CCDC172: variants seen among roughly 807,000 people sequenced by gnomAD.
The protein encoded by CCDC172 is coiled-coil domain containing 172, also known as coiled-coil domain-containing protein 172.
A neutral mutation model predicts 38.0 loss-of-function variants in CCDC172; 30 were observed. The observed-to-expected ratio is 0.79, with a 90% CI of 0.59 to 1.07. The LOEUF (loss-of-function observed/expected upper bound fraction) is 1.07. CCDC172 is among the 50% of genes least tolerant of loss of function. The pLI is 0.00. For missense variants in CCDC172, 297 were observed against 290.1 expected (o/e 1.02, Z -0.17); for synonymous variants, 78 against 88.3 (o/e 0.88, Z 0.66).
chr10:116,372,222 T>A (rs1845193587), intron 7 of CCDC172, among the ~76,000 whole-genome samples: 1 of 152,120 alleles, frequency 6.6e-6, no homozygotes, highest in Non-Finnish European at 1.5e-5. Context: ...TTTTACATTA[T>A]TTTTCCTTTT....
intron 7 of CCDC172, among the ~76,000 whole-genome samples, chr10:116,360,523 A>G (rs1845050160): frequency 6.6e-6 from 1 of 152,240 alleles, no homozygotes; most frequent in Non-Finnish European, 1.5e-5. Flanking sequence ...GCCACTTTGG[A>G]ATGGATTATT....
chr10:116,365,493 T>C (rs1845112474), intron 7 of CCDC172, among the ~76,000 whole-genome samples: 1 of 152,166 alleles, frequency 6.6e-6, no homozygotes, highest in Non-Finnish European at 1.5e-5. Context: ...AAAAGAAGGC[T>C]TATGTACATT....
intron 6 of CCDC172, 92 bp from the exon 7 acceptor site, chr10:116,357,744 A>C: frequency 1.4e-6 from 1 of 732,046 alleles, no homozygotes. Context: ...ATATGCAAGC[A>C]CCAAAAATTA....
At chr10:116,360,829 G>A (rs1237705106) in intron 7 of CCDC172, among the ~76,000 whole-genome samples, 1 of 152,028 alleles carries the variant, frequency 6.6e-6, no homozygotes, top group African/African-American at 2.4e-5. Flanking sequence ...TACCTTTAAT[G>A]GTGTGAGTTA....
chr10:116,363,111 A>G (rs1377161372), intron 7 of CCDC172, among the ~76,000 whole-genome samples: 1 of 152,210 alleles, frequency 6.6e-6, no homozygotes, highest in Admixed American at 6.5e-5. Flanking sequence ...TTAATGTCAT[A>G]CAGATTTCTT....
At chr10:116,351,056 A>G (rs759448629) in intron 5 of CCDC172, among the ~76,000 whole-genome samples, 97 of 152,134 alleles carry the variant, frequency 6.4e-4, no homozygotes, top group African/African-American at 1.7e-3. Context: ...CTTTAGACTT[A>G]CCTTTTTCAT....
At chr10:116,365,417 G>A (rs971335262) in intron 7 of CCDC172, among the ~76,000 whole-genome samples, 2 of 152,102 alleles carry the variant, frequency 1.3e-5, no homozygotes, top group African/African-American at 4.8e-5. Flanking sequence ...TGAAGAGATG[G>A]ATGAGCACGT....
At position 116,363,947 on chromosome 10, in the gene CCDC172, A is replaced by AAAT. The variant is rs1565722287; in HGVS notation, c.653+6020_653+6022dup. ...ACTTGGTCTCAAAAAAAAAAAAAAAAAATAATAATAATAGATTTAAAGTTT... is the reference window on the plus strand; with the variant it reads ...ACTTGGTCTCAAAAAAAAAAAAAAAAAATAATAATAATAATAGATTTAAAGTTT... On this transcript the variant is annotated intron_variant, in intron 7 of 8. Transcript: ENST00000333254. Among the ~76,000 whole-genome samples the AAAT allele has an allele frequency of 2.0e-3, 269 of 133,690 alleles. 12 individuals carry two copies. Among genetic ancestry groups the AAAT allele is most frequent in the South Asian group, 2.3e-3 (9 of 3,898 alleles). The allele number at this position is 133,690 out of a possible 152,430, so 87.7% of individuals were successfully genotyped here. A position where few individuals can be genotyped will look rare whatever the true frequency, so the allele number is the denominator to read the frequency against.
At chr10:116,332,618 T>C (rs576850259) in intron 3 of CCDC172, among the ~76,000 whole-genome samples, 4 of 152,306 alleles carry the variant, frequency 2.6e-5, no homozygotes, top group East Asian at 3.9e-4. Context: ...AGAAGAGAAG[T>C]ATTGAAGTCA....
intron 7 of CCDC172, among the ~76,000 whole-genome samples, chr10:116,369,336 G>T (rs1845159918): frequency 6.6e-6 from 1 of 151,880 alleles, no homozygotes; most frequent in Non-Finnish European, 1.5e-5. Context: ...CTATCCTACT[G>T]CATTTTCACT....
At chr10:116,374,027 T>A (rs944405814) in intron 7 of CCDC172, among the ~76,000 whole-genome samples, 2 of 152,164 alleles carry the variant, frequency 1.3e-5, no homozygotes, top group East Asian at 3.9e-4. Context: ...CTGAGTAGCA[T>A]GATAAACTCC....
At chr10:116,364,429 CA>C (rs1845099232) in intron 7 of CCDC172, among the ~76,000 whole-genome samples, 1 of 151,840 alleles carries the variant, frequency 6.6e-6, no homozygotes, top group Admixed American at 6.6e-5. Flanking sequence ...CCATTTGACC[CA>C]ATAATTCCAT....
chr10:116,367,360 G>C (rs1414715395), intron 7 of CCDC172, among the ~76,000 whole-genome samples: 1 of 152,066 alleles, frequency 6.6e-6, no homozygotes, highest in Non-Finnish European at 1.5e-5. Context: ...ACATCACACT[G>C]TATCCCAAAA....
chr10:116,344,868 A>C (rs1431791796), intron 5 of CCDC172, among the ~76,000 whole-genome samples: 1 of 151,224 alleles, frequency 6.6e-6, no homozygotes, highest in Non-Finnish European at 1.5e-5. Flanking sequence ...TGAAACTAAA[A>C]AAAAAAAAAA....
chr10:116,333,150 C>G (rs1368527487), intron 3 of CCDC172, among the ~76,000 whole-genome samples: 1 of 151,866 alleles, frequency 6.6e-6, no homozygotes, highest in African/African-American at 2.4e-5. Context: ...TCACTGTAAT[C>G]TTTTGGATAA....
At chr10:116,359,833 A>G (rs572969039) in intron 7 of CCDC172, among the ~76,000 whole-genome samples, 1 of 152,324 alleles carries the variant, frequency 6.6e-6, no homozygotes, top group East Asian at 1.9e-4. Context: ...CTATATTGAA[A>G]TTCTTTTATA....
chr10:116,333,508 A>G (rs1051597278), intron 3 of CCDC172, among the ~76,000 whole-genome samples: 1 of 152,210 alleles, frequency 6.6e-6, no homozygotes, highest in African/African-American at 2.4e-5. Flanking sequence ...AAAGCAGTGC[A>G]TGAATAAACA....
At chr10:116,360,470 T>G (rs1455644327) in intron 7 of CCDC172, among the ~76,000 whole-genome samples, 1 of 152,210 alleles carries the variant, frequency 6.6e-6, no homozygotes, top group Non-Finnish European at 1.5e-5. Flanking sequence ...ATATTTTCAG[T>G]GTTATTTGCA....
rs896800871 is a variant in CCDC172, at chr10:116,377,042, G to A, written c.654-1381G>A. Among the ~76,000 whole-genome samples, 6 of 152,228 alleles carry A rather than the reference G, an allele frequency of 3.9e-5. No individual in the cohort carries two copies. The East Asian group carries it at 1.2e-3, about 29-fold the overall frequency. On this transcript the variant is annotated intron_variant, in intron 7 of 8. Coordinates refer to ENST00000333254, the MANE Select transcript of CCDC172 (RefSeq NM_198515.3). ...ACAAAAAAATTCAGTATGGGGTAGG[G>A]GGAGAGGGGAGGGATAGCATTAGGA...
Sources: gnomAD v4.1 joint callset for allele counts (sites outside exome capture counted in the v4.1 genomes callset) on GRCh38, gnomAD v4.1.1 for gene constraint, MANE v1.5 for transcripts, NCBI Gene and HGNC (gene_info 2026-07-23, HGNC 2026-07-21) for gene names.